Variants in PLD5 observed in about 807,000 individuals in gnomAD.
PLD5 encodes the protein phospholipase D family member 5, also known as inactive phospholipase D5.
In PLD5, 36 loss-of-function variants were observed where a neutral mutation model predicts 61.1. The observed-to-expected ratio is 0.59, with a 90% CI of 0.45 to 0.78. The LOEUF (loss-of-function observed/expected upper bound fraction) is 0.78. PLD5 is among the 30% of genes least tolerant of loss of function. PLD5 has a pLI of 0.00. For missense variants in PLD5, 515 were observed against 644.4 expected (o/e 0.80, Z 2.17); for synonymous variants, 243 against 242.8 (o/e 1.00, Z -0.01).
intron 2 of PLD5, among the ~76,000 whole-genome samples, chr1:242,289,506 G>T (rs1675231468): frequency 1.3e-5 from 2 of 152,144 alleles, no homozygotes; most frequent in South Asian, 2.1e-4. Flanking sequence ...CTGCCACCAT[G>T]CCTGGCTAAC....
At chr1:242,090,278 C>T (rs1383026182) in intron 9 of PLD5, among the ~76,000 whole-genome samples, 168 bp from the exon 10 acceptor site, 2 of 152,194 alleles carry the variant, frequency 1.3e-5, no homozygotes, top group African/African-American at 4.8e-5. Flanking sequence ...AGAAGCCTTA[C>T]ATATGGCATA....
intron 5 of PLD5, among the ~76,000 whole-genome samples, chr1:242,175,262 T>C (rs1667056817): frequency 6.6e-6 from 1 of 152,194 alleles, no homozygotes; most frequent in Admixed American, 6.5e-5. Context: ...CACGATCAAG[T>C]TGGCTTTGTC....
chr1:242,137,370 TTCTC>T (rs1220204229), intron 5 of PLD5, among the ~76,000 whole-genome samples: 2 of 152,202 alleles, frequency 1.3e-5, no homozygotes, highest in African/African-American at 4.8e-5. Flanking sequence ...CTTTCCTACT[TTCTC>T]TAATAAATCT....
chr1:242,112,315 G>GTGTC (rs1448128176), intron 7 of PLD5, among the ~76,000 whole-genome samples: 9 of 109,100 alleles, frequency 8.2e-5, no homozygotes, highest in African/African-American at 1.4e-4. Flanking sequence ...GTGTGTGTGT[G>GTGTC]TGTGTGTGTA....
intron 1 of PLD5, among the ~76,000 whole-genome samples, chr1:242,454,558 T>C (rs1666888940): frequency 6.6e-6 from 1 of 152,164 alleles, no homozygotes; most frequent in Non-Finnish European, 1.5e-5. Flanking sequence ...AGCATTTGCA[T>C]ATATGAAAAG....
chr1:242,329,289 C>T (rs1659026661), intron 2 of PLD5, among the ~76,000 whole-genome samples: 1 of 152,176 alleles, frequency 6.6e-6, no homozygotes, highest in Non-Finnish European at 1.5e-5. Flanking sequence ...GGATTATACG[C>T]ATGAGCCACT....
At chr1:242,117,902 G>T (rs184914006) in intron 6 of PLD5, among the ~76,000 whole-genome samples, 18 of 152,230 alleles carry the variant, frequency 1.2e-4, no homozygotes, top group East Asian at 9.6e-4. Flanking sequence ...AAGGTTCTTT[G>T]GTTAATGTGG....
chr1:242,342,149 G>A (rs1468129611), intron 2 of PLD5, among the ~76,000 whole-genome samples: 1 of 152,210 alleles, frequency 6.6e-6, no homozygotes, highest in Non-Finnish European at 1.5e-5. Context: ...AGTCAGGGAG[G>A]AGAAGGATGC....
At chr1:242,127,485 G>T (rs989516257) in intron 5 of PLD5, among the ~76,000 whole-genome samples, 3 of 152,182 alleles carry the variant, frequency 2.0e-5, no homozygotes, top group African/African-American at 7.2e-5. Flanking sequence ...AAAAAGGAAT[G>T]AATTAATGGC....
chr1:242,088,738 C>T lies in PLD5; in HGVS notation c.*1116G>A, dbSNP rs982425278. On this transcript the variant is annotated 3_prime_UTR_variant, in exon 10 of 10. Coordinates refer to ENST00000536534, the MANE Select transcript of PLD5 (RefSeq NM_001372062.1). ...GATATAAAACAACAACACACAATTA[C>T]GTTATAGAACAATAATTCAATATTT... 7 of 152,124 alleles carry T rather than the reference C, an allele frequency of 4.6e-5. No homozygotes were observed. Among genetic ancestry groups the T allele is most frequent in the South Asian group, 2.1e-4 (1 of 4,832 alleles). 9.4% of individuals were successfully genotyped at this position (152,124 alleles called of 1,614,324 possible). A position where few individuals can be genotyped will look rare whatever the true frequency, so the allele number is the denominator to read the frequency against.
chr1:242,242,014 C>T lies in PLD5; in HGVS notation c.608-21899G>A, dbSNP rs35832964. On this transcript the variant is annotated intron_variant, in intron 4 of 9. Coordinates refer to ENST00000536534, the MANE Select transcript of PLD5 (RefSeq NM_001372062.1). ...TACTATATATATATATATATATAGA[C>T]ACACACACACACACACACACACACA... Among the ~76,000 whole-genome samples the T allele has an allele frequency of 3.0e-3, 311 of 102,340 alleles. 3 individuals carry two copies. Among genetic ancestry groups the T allele is most frequent in the African/African-American group, 9.0e-3 (234 of 25,868 alleles). 67.1% of individuals were successfully genotyped at this position (102,340 alleles called of 152,430 possible).
chr1:242,420,032 A>C (rs1665051934), intron 1 of PLD5, among the ~76,000 whole-genome samples: 1 of 152,140 alleles, frequency 6.6e-6, no homozygotes, highest in African/African-American at 2.4e-5. Context: ...ATTCTTCGAT[A>C]AACTTGTTAC....
chr1:242,289,533 C>T (rs1292996036), intron 2 of PLD5, among the ~76,000 whole-genome samples: 1 of 151,842 alleles, frequency 6.6e-6, no homozygotes, highest in Non-Finnish European at 1.5e-5. Context: ...TTGTGTTTTT[C>T]ATAGAGATGG....
At chr1:242,212,648 CACAG>C (rs765682662) in intron 5 of PLD5, among the ~76,000 whole-genome samples, 1 of 152,204 alleles carries the variant, frequency 6.6e-6, no homozygotes, top group Non-Finnish European at 1.5e-5. Flanking sequence ...AAAGAAGCAG[CACAG>C]ACAAAGCACA....
In PLD5 at chr1:242,247,034, A is replaced by T. The variant is rs56763958; in HGVS notation, c.607+18303T>A. On this transcript the variant is annotated intron_variant, in intron 4 of 9. Transcript: ENST00000536534. ...AGTTTCGCTCTGTCGCCCAGGCTGG[A>T]GTGCAGTGGCGCGATCTCGACTCAC... Among the ~76,000 whole-genome samples, 1,332 of 147,288 alleles carry T rather than the reference A, an allele frequency of 9.0e-3. 20 individuals carry two copies. The highest frequency in any genetic ancestry group is 0.033 in the African/African-American group (1,275 of 38,602).
intron 2 of PLD5, among the ~76,000 whole-genome samples, chr1:242,336,281 C>T (rs1659504895): frequency 6.6e-6 from 1 of 152,152 alleles, no homozygotes; most frequent in Non-Finnish European, 1.5e-5. Flanking sequence ...TACCCTTTCA[C>T]CTAGCAATTC....
intron 9 of PLD5, among the ~76,000 whole-genome samples, chr1:242,091,007 C>A (rs1461339176): frequency 6.6e-6 from 1 of 152,096 alleles, no homozygotes; most frequent in Non-Finnish European, 1.5e-5. Flanking sequence ...CCCACCTCAG[C>A]CTCCCAATAT....
At chr1:242,530,524 C>G in the PLD5 span, among the ~76,000 whole-genome samples, 1 of 151,810 alleles carries the variant, frequency 6.6e-6, no homozygotes, top group Non-Finnish European at 1.5e-5. Flanking sequence ...CAGACAGTTG[C>G]CTAAGTTGGC....
At chr1:242,152,791 A>T (rs2148821109) in intron 5 of PLD5, among the ~76,000 whole-genome samples, 1 of 152,216 alleles carries the variant, frequency 6.6e-6, no homozygotes, top group Admixed American at 6.5e-5. Flanking sequence ...AGTCTTTGTT[A>T]TGGTGAATAG....
Sources: allele counts gnomAD v4.1 joint callset (sites outside exome capture counted in the v4.1 genomes callset), GRCh38; gene constraint gnomAD v4.1.1; transcripts MANE v1.5; gene names NCBI Gene and HGNC (gene_info 2026-07-23, HGNC 2026-07-21).